Variants in ATXN7L1 observed in about 807,000 individuals in gnomAD.
ATXN7L1 encodes ataxin-7-like protein 1.
ATXN7L1 carries 15 observed loss-of-function variants against 70.8 expected under a neutral mutation model. The ratio of observed to expected loss-of-function variants is 0.21; its 90% CI spans 0.14 to 0.33. The LOEUF (loss-of-function observed/expected upper bound fraction) is 0.33, where lower values mean the gene tolerates loss of function less well. ATXN7L1 is among the 10% of genes least tolerant of loss of function. ATXN7L1 has a pLI of 1.00. For missense variants in ATXN7L1, 975 were observed against 1,097.1 expected (o/e 0.89, Z 1.57); for synonymous variants, 440 against 445.1 (o/e 0.99, Z 0.14).
intron 2 of ATXN7L1, among the ~76,000 whole-genome samples, chr7:105,835,874 T>A (rs1450948184): frequency 6.6e-6 from 1 of 152,148 alleles, no homozygotes; most frequent in Admixed American, 6.5e-5. Context: ...GAAGTTTGGC[T>A]AGTGGCACCC....
intron 9 of ATXN7L1, among the ~76,000 whole-genome samples, chr7:105,615,553 G>A (rs923115274): frequency 1.3e-5 from 2 of 152,196 alleles, no homozygotes; most frequent in Non-Finnish European, 2.9e-5. Context: ...GACTAGCTTT[G>A]TTTTTTCCTA....
intron 1 of ATXN7L1, 134 bp downstream of exon 1, chr7:105,876,244 T>C: frequency 1.7e-6 from 2 of 1,182,690 alleles, no homozygotes; most frequent in Non-Finnish European, 1.2e-6. Context: ...TGTATTTATT[T>C]AGAGAGAGAG....
chr7:105,770,067 C>T (rs1314386718), intron 3 of ATXN7L1, among the ~76,000 whole-genome samples: 1 of 152,216 alleles, frequency 6.6e-6, no homozygotes, highest in African/African-American at 2.4e-5. Context: ...AGAATTGCTG[C>T]CTGGATCAAG....
chr7:105,834,132 T>G (rs1212222431), intron 2 of ATXN7L1, among the ~76,000 whole-genome samples: 4 of 152,196 alleles, frequency 2.6e-5, no homozygotes, highest in African/African-American at 7.2e-5. Context: ...AAACTCTGCC[T>G]CCTAGGTTCA....
Position 105,644,522 on chromosome 7 carries a change from G to A in ATXN7L1, c.579-1401C>T, listed in dbSNP as rs372604181. ...AACAAACCCTGCCACTGCCAATTCC[G>A]TCCCTGATCAGAGTGTCTCAATGTC... On this transcript the variant is annotated intron_variant, in intron 4 of 11. Transcript: ENST00000419735. 5.9e-5 allele frequency among the ~76,000 whole-genome samples: 9 copies of A among 152,122 alleles called. No individual in the cohort carries two copies. The South Asian group carries it at 6.2e-4, about 10-fold the overall frequency.
intron 3 of ATXN7L1, among the ~76,000 whole-genome samples, chr7:105,666,107 C>G (rs1381096405): frequency 2.0e-5 from 3 of 152,120 alleles, no homozygotes; most frequent in African/African-American, 7.2e-5. Flanking sequence ...TAGTGTGCAC[C>G]CGCTATGGGG....
At chr7:105,724,716 C>T (rs572172300) in intron 3 of ATXN7L1, among the ~76,000 whole-genome samples, 55 of 152,014 alleles carry the variant, frequency 3.6e-4, no homozygotes, top group African/African-American at 1.3e-3. Context: ...CAGTGATCTT[C>T]ACTGTTCTTG....
At chr7:105,759,589 G>C (rs941271180) in intron 3 of ATXN7L1, among the ~76,000 whole-genome samples, 1 of 151,878 alleles carries the variant, frequency 6.6e-6, no homozygotes, top group Non-Finnish European at 1.5e-5. Flanking sequence ...ATGTGTGATA[G>C]CTCAGATAGG....
At chr7:105,790,605 A>AG in intron 2 of ATXN7L1, among the ~76,000 whole-genome samples, 1 of 129,418 alleles carries the variant, frequency 7.7e-6, no homozygotes, top group East Asian at 2.3e-4. Context: ...AAAGAAAAAA[A>AG]TTATCTATCT....
chr7:105,861,679 T>A (rs1816666461), intron 2 of ATXN7L1, among the ~76,000 whole-genome samples: 1 of 152,034 alleles, frequency 6.6e-6, no homozygotes, highest in Non-Finnish European at 1.5e-5. Context: ...AGGGACCACC[T>A]GGGGTGTGAA....
At chr7:105,737,388 C>T (rs1797501231) in intron 3 of ATXN7L1, among the ~76,000 whole-genome samples, 1 of 152,242 alleles carries the variant, frequency 6.6e-6, no homozygotes, top group African/African-American at 2.4e-5. Flanking sequence ...GTACTAAACT[C>T]AGTTCATCCT....
rs992047035 is a variant in ATXN7L1 at position 105,840,219 on chromosome 7, C to T, written c.250+35593G>A. On this transcript the variant is annotated intron_variant, in intron 2 of 11. Transcript: ENST00000419735. ...TGAGTGTAGGAGCAGAGTGACAATCCGATCTGAGTTCTGGAAAAGTCATGC... is the reference window on the plus strand; with the variant it reads ...TGAGTGTAGGAGCAGAGTGACAATCTGATCTGAGTTCTGGAAAAGTCATGC... 4.6e-5 allele frequency among the ~76,000 whole-genome samples: 7 copies of T among 152,332 alleles called. No homozygotes were observed. In the South Asian group the frequency reaches 8.3e-4, roughly 18 times the overall value.
chr7:105,713,102 G>C (rs1794123271), intron 3 of ATXN7L1, among the ~76,000 whole-genome samples: 1 of 152,214 alleles, frequency 6.6e-6, no homozygotes, highest in Admixed American at 6.5e-5. Context: ...GCAGGAGAGA[G>C]AGTGATGGGG....
At chr7:105,736,989 T>C (rs1341890100) in intron 3 of ATXN7L1, among the ~76,000 whole-genome samples, 1 of 152,254 alleles carries the variant, frequency 6.6e-6, no homozygotes, top group African/African-American at 2.4e-5. Context: ...TGCTATGGTC[T>C]GAAATAGTTT....
In ATXN7L1 at chr7:105,605,329, T is replaced by C. The variant is rs918121083; in HGVS notation, c.*2523A>G. ...TGCATTCCATTTTTCAAGCTGCAAG[T>C]TTTTAATACATCATTGTAAAGTAAA... On this transcript the variant is annotated 3_prime_UTR_variant, in exon 12 of 12. Coordinates refer to ENST00000419735, the MANE Select transcript of ATXN7L1 (RefSeq NM_020725.2). 1 of 151,982 alleles carries C rather than the reference T, an allele frequency of 6.6e-6. No individual in the cohort carries two copies. The highest frequency in any genetic ancestry group is 2.4e-5 in the African/African-American group (1 of 41,376). The allele number at this position is 151,982 out of a possible 1,614,324, so 9.4% of individuals were successfully genotyped here.
intron 3 of ATXN7L1, among the ~76,000 whole-genome samples, chr7:105,745,540 C>G (rs1798489051): frequency 6.6e-6 from 1 of 152,230 alleles, no homozygotes; most frequent in Non-Finnish European, 1.5e-5. Flanking sequence ...GTGCTGCAAC[C>G]AGGCTGAGAG....
chr7:105,805,754 C>T (rs542972904), intron 2 of ATXN7L1, among the ~76,000 whole-genome samples: 5 of 151,988 alleles, frequency 3.3e-5, no homozygotes, highest in Non-Finnish European at 5.9e-5. Context: ...AGGGGCAGCC[C>T]GGGTCGTGGG....
At chr7:105,740,044 C>T (rs994245532) in intron 3 of ATXN7L1, among the ~76,000 whole-genome samples, 2 of 152,226 alleles carry the variant, frequency 1.3e-5, no homozygotes, top group Non-Finnish European at 2.9e-5. Context: ...ACACCTTTCC[C>T]TTACTGTGAT....
At chr7:105,633,548 A>G (rs1174540075) in intron 7 of ATXN7L1, among the ~76,000 whole-genome samples, 1 of 152,040 alleles carries the variant, frequency 6.6e-6, no homozygotes, top group Non-Finnish European at 1.5e-5. Flanking sequence ...TGAAACCCCC[A>G]TCTCTACTAA....
Sources: allele counts gnomAD v4.1 joint callset (sites outside exome capture counted in the v4.1 genomes callset), GRCh38; gene constraint gnomAD v4.1.1; transcripts MANE v1.5; gene names NCBI Gene and HGNC (gene_info 2026-07-23, HGNC 2026-07-21).